The following ADAM18 variants were observed in gnomAD, a reference collection of about 807,000 sequenced individuals.
ADAM18 encodes the protein disintegrin and metalloproteinase domain-containing protein 18.
ADAM18 carries 117 observed loss-of-function variants against 94.4 expected under a neutral mutation model. That is an observed-to-expected ratio of 1.24 (90% CI 1.07 to 1.45). The LOEUF (loss-of-function observed/expected upper bound fraction) is 1.45. Ranked by LOEUF, ADAM18 falls within the 40% of genes most tolerant of loss-of-function variation. ADAM18 has a pLI of 0.00. For synonymous variants in ADAM18, 327 were observed against 291.6 expected (o/e 1.12, Z -1.24); for missense variants, 936 against 880.0 (o/e 1.06, Z -0.81).
intron 6 of ADAM18, among the ~76,000 whole-genome samples, chr8:39,625,293 A>C (rs1352941151): frequency 1.3e-5 from 2 of 151,960 alleles, no homozygotes; most frequent in African/African-American, 4.8e-5. Flanking sequence ...TTATTTTTGC[A>C]GCTGTTGTAA....
chr8:39,634,249 C>CT (rs2129579201), intron 7 of ADAM18, among the ~76,000 whole-genome samples: 1 of 152,250 alleles, frequency 6.6e-6, no homozygotes, highest in South Asian at 2.1e-4. Flanking sequence ...GGTGCTAACT[C>CT]TCCAGGCTCA....
At chr8:39,681,014 T>G (rs988439831) in intron 16 of ADAM18, among the ~76,000 whole-genome samples, 3 of 152,222 alleles carry the variant, frequency 2.0e-5, no homozygotes, top group African/African-American at 7.2e-5. Context: ...TGATCCCACT[T>G]TCTGTCATTC....
chr8:39,590,964 A>G (rs1337215631), intron 2 of ADAM18, among the ~76,000 whole-genome samples: 1 of 152,232 alleles, frequency 6.6e-6, no homozygotes. Flanking sequence ...ACCAAACTAA[A>G]GTAAGTCACA....
intron 18 of ADAM18, among the ~76,000 whole-genome samples, chr8:39,721,370 A>G (rs1233071740): frequency 6.6e-6 from 1 of 151,512 alleles, no homozygotes; most frequent in Non-Finnish European, 1.5e-5. Context: ...TGACTCAAAG[A>G]CCTCAAAAAC....
chr8:39,625,919 A>G (rs1415140161), intron 6 of ADAM18, among the ~76,000 whole-genome samples: 1 of 152,010 alleles, frequency 6.6e-6, no homozygotes, highest in Non-Finnish European at 1.5e-5. Context: ...ATTGGATTCT[A>G]TTTGCTAGTA....
chr8:39,728,651 A>G (rs1167625380), intron 19 of ADAM18, among the ~76,000 whole-genome samples: 5 of 152,218 alleles, frequency 3.3e-5, no homozygotes, highest in Non-Finnish European at 7.4e-5. Context: ...ACTTCAGTGA[A>G]ATAAAAATCT....
chr8:39,643,849 T>C lies in ADAM18; in HGVS notation c.910-1489T>C, dbSNP rs545354278. On this transcript the variant is annotated intron_variant, in intron 10 of 19. Transcript: ENST00000265707. ...CAAGACCATATTTCCCTCTCTGATCTAGTATCAAAAGTCTAGCTTTTGGTT... is the reference window on the plus strand; with the variant it reads ...CAAGACCATATTTCCCTCTCTGATCCAGTATCAAAAGTCTAGCTTTTGGTT... Among the ~76,000 whole-genome samples, 41 of 151,348 alleles carry C rather than the reference T, an allele frequency of 2.7e-4. 1 individual carries two copies. In the South Asian group the frequency reaches 8.3e-3, roughly 31 times the overall value.
chr8:39,667,590 T>C (rs1459983852), intron 13 of ADAM18, among the ~76,000 whole-genome samples: 1 of 152,148 alleles, frequency 6.6e-6, no homozygotes, highest in Non-Finnish European at 1.5e-5. Flanking sequence ...TTCTCACCCA[T>C]ACAAATAAGG....
chr8:39,630,465 C>A (rs532582955), intron 7 of ADAM18, among the ~76,000 whole-genome samples: 1 of 151,592 alleles, frequency 6.6e-6, no homozygotes, highest in African/African-American at 2.4e-5. Context: ...GGAAAGTCTT[C>A]ATAGAATAGA....
intron 17 of ADAM18, among the ~76,000 whole-genome samples, chr8:39,701,629 C>T (rs562304169): frequency 1.3e-5 from 2 of 152,122 alleles, no homozygotes; most frequent in African/African-American, 4.8e-5. Context: ...TCCTGACCCA[C>T]TCCTCCTCCC....
chr8:39,713,922 C>T (rs556707429), intron 18 of ADAM18, among the ~76,000 whole-genome samples: 2 of 152,226 alleles, frequency 1.3e-5, no homozygotes, highest in Non-Finnish European at 2.9e-5. Context: ...CCATTTGACC[C>T]AGCCATCCCA....
chr8:39,703,270 G>C (rs1031687933), intron 17 of ADAM18, among the ~76,000 whole-genome samples: 3 of 152,012 alleles, frequency 2.0e-5, no homozygotes, highest in Non-Finnish European at 2.9e-5. Flanking sequence ...TTAGCGATTT[G>C]GCTCTCCGGT....
chr8:39,589,609 TGAA>T (rs1248030743), intron 2 of ADAM18, among the ~76,000 whole-genome samples: 5 of 151,830 alleles, frequency 3.3e-5, no homozygotes, highest in Non-Finnish European at 7.4e-5. Flanking sequence ...TGTACACACA[TGAA>T]GAAATATATA....
chr8:39,610,592 T>A lies in ADAM18; in HGVS notation c.408T>A (p.Phe136Leu), dbSNP rs1381055019. 6.2e-7 allele frequency: 1 copy of A among 1,612,504 alleles called. No homozygotes were observed. Among genetic ancestry groups the A allele is most frequent in the East Asian group, 2.2e-5 (1 of 44,748 alleles). ...AACCAGTAGAATCTTCAGCAAGATT[T>A]GAGCATATAATTTATCAAATGAAAA... ...GIEPVESSAR[F>L]EHIIYQMKNN... Residue 136 changes from phenylalanine to leucine, a missense_variant, in exon 6 of 20, where the codon TTT (phenylalanine) becomes TTA (leucine). Physicochemically the swap from Phe to Leu is conservative, Grantham distance 22. Transcript: ENST00000265707.
chr8:39,715,856 C>T (rs1822557190), intron 18 of ADAM18, among the ~76,000 whole-genome samples: 1 of 151,918 alleles, frequency 6.6e-6, no homozygotes, highest in South Asian at 2.1e-4. Context: ...GTGAATATAA[C>T]CAAACATTTA....
chr8:39,677,098 G>A (rs1821321740), intron 14 of ADAM18, among the ~76,000 whole-genome samples: 1 of 152,186 alleles, frequency 6.6e-6, no homozygotes, highest in Admixed American at 6.5e-5. Flanking sequence ...CTGTCCATAA[G>A]TGACATGCTT....
intron 16 of ADAM18, among the ~76,000 whole-genome samples, chr8:39,682,499 A>G (rs566663260): frequency 6.6e-6 from 1 of 152,326 alleles, no homozygotes; most frequent in African/African-American, 2.4e-5. Flanking sequence ...AGAGAGTCAA[A>G]TAAGAACTGA....
chr8:39,703,133 T>G (rs1308881152), intron 17 of ADAM18, among the ~76,000 whole-genome samples: 1 of 152,214 alleles, frequency 6.6e-6, no homozygotes, highest in African/African-American at 2.4e-5. Context: ...TGTTTTTCTA[T>G]TTATTTGTGT....
intron 11 of ADAM18, among the ~76,000 whole-genome samples, chr8:39,646,459 T>A (rs1156898432): frequency 6.6e-6 from 1 of 152,182 alleles, no homozygotes; most frequent in African/African-American, 2.4e-5. Context: ...ACCCAATAGA[T>A]CCAAAATATT....
Sources: allele counts gnomAD v4.1 joint callset (sites outside exome capture counted in the v4.1 genomes callset), GRCh38; gene constraint gnomAD v4.1.1; transcripts MANE v1.5; gene names NCBI Gene and HGNC (gene_info 2026-07-23, HGNC 2026-07-21).